The following HDHD2 variants were observed in gnomAD, a reference collection of about 807,000 sequenced individuals.
HDHD2 encodes haloacid dehalogenase-like hydrolase domain-containing protein 2.
HDHD2 carries 26 observed loss-of-function variants against 24.8 expected under a neutral mutation model. That is an observed-to-expected ratio of 1.05 (90% CI 0.77 to 1.45). The LOEUF (loss-of-function observed/expected upper bound fraction) is 1.45. HDHD2 is among the 40% of genes most tolerant of loss of function. The pLI is 0.00. For synonymous variants in HDHD2, 128 were observed against 114.9 expected, an observed-to-expected ratio of 1.11 and a Z score of -0.73; for missense variants, 299 against 313.4, an observed-to-expected ratio of 0.95 and a Z score of 0.35.
At chr18:47,117,228 T>G (rs1201838640) in intron 4 of HDHD2, among the ~76,000 whole-genome samples, 4 of 152,240 alleles carry the variant, frequency 2.6e-5, no homozygotes. Context: ...ATTTTTATAC[T>G]TACTAGACAG....
In HDHD2 at chr18:47,108,554, C is replaced by A; in HGVS notation, c.*128G>T. ...AATACCTTTCTTTCTAATTAATGCA[C>A]AACAAAAGAGGGTTAAAAAGCGATC... On this transcript the variant is annotated 3_prime_UTR_variant, in exon 7 of 7. Coordinates refer to ENST00000300605, the MANE Select transcript of HDHD2 (RefSeq NM_032124.5). The A allele has an allele frequency of 1.9e-6, 1 of 519,200 alleles. No individual in the cohort carries two copies. The highest frequency in any genetic ancestry group is 3.5e-5 in the South Asian group (1 of 28,534). 32.2% of individuals were successfully genotyped at this position (519,200 alleles called of 1,614,324 possible). A position where few individuals can be genotyped will look rare whatever the true frequency, so the allele number is the denominator to read the frequency against.
chr18:47,141,366 A>G (rs1189758613), intron 1 of HDHD2, among the ~76,000 whole-genome samples: 5 of 152,242 alleles, frequency 3.3e-5, no homozygotes, highest in African/African-American at 4.8e-5. Context: ...ATGACCATCA[A>G]CAGAAGGCTA....
chr18:47,118,813 G>C (rs2063578734), intron 4 of HDHD2, among the ~76,000 whole-genome samples: 1 of 151,540 alleles, frequency 6.6e-6, no homozygotes, highest in Non-Finnish European at 1.5e-5. Flanking sequence ...TTACAGATGA[G>C]ATCATCTGAG....
At chr18:47,147,004 A>G (rs954709046) in intron 1 of HDHD2, among the ~76,000 whole-genome samples, 1 of 152,196 alleles carries the variant, frequency 6.6e-6, no homozygotes. Context: ...TATGTTTTGT[A>G]TACTCTTCTA....
intron 1 of HDHD2, among the ~76,000 whole-genome samples, chr18:47,138,728 C>A (rs1414451583): frequency 1.3e-5 from 2 of 152,178 alleles, no homozygotes; most frequent in Middle Eastern, 3.2e-3. Context: ...TTGAAGTAAA[C>A]AGAATCTCTC....
chr18:47,121,060 G>A (rs544008167), intron 4 of HDHD2, among the ~76,000 whole-genome samples: 4 of 151,804 alleles, frequency 2.6e-5, no homozygotes, highest in African/African-American at 9.7e-5. Context: ...TGGAAATATG[G>A]TGCCGATGAC....
intron 4 of HDHD2, among the ~76,000 whole-genome samples, chr18:47,119,209 A>G (rs992763629): frequency 4.6e-5 from 7 of 152,208 alleles, no homozygotes; most frequent in African/African-American, 1.7e-4. Context: ...AATGCCTCAA[A>G]ATAAGACAAC....
chr18:47,141,999 A>G (rs1165777373), intron 1 of HDHD2, among the ~76,000 whole-genome samples: 2 of 152,112 alleles, frequency 1.3e-5, no homozygotes, highest in African/African-American at 4.8e-5. Flanking sequence ...TTCCCCACAC[A>G]TGCTCTCTTG....
chr18:47,135,355 A>G (rs946214889), intron 2 of HDHD2, among the ~76,000 whole-genome samples: 36 of 143,150 alleles, frequency 2.5e-4, no homozygotes, highest in Non-Finnish European at 3.7e-4. Flanking sequence ...TCCGCCTCCC[A>G]GGTTCAAGTG....
intron 1 of HDHD2, among the ~76,000 whole-genome samples, chr18:47,143,154 T>C (rs1378973904): frequency 3.9e-5 from 6 of 152,182 alleles, no homozygotes; most frequent in Non-Finnish European, 8.8e-5. Flanking sequence ...TTTTTCTCTT[T>C]TAAAAGAAGA....
chr18:47,115,388 G>T (rs1221032948), intron 4 of HDHD2, 40 bp from the exon 5 acceptor site: 1 of 1,493,542 alleles, frequency 6.7e-7, no homozygotes. Context: ...TTGGCTAAAA[G>T]CAAGGCTTTT....
rs1269795984 is a variant in HDHD2, at chr18:47,146,094, T to C, written c.-11+4284A>G. Among the ~76,000 whole-genome samples the C allele has an allele frequency of 2.0e-5, 3 of 152,092 alleles. No homozygotes were observed. In the East Asian group the frequency reaches 5.8e-4, roughly 30 times the overall value. On this transcript the variant is annotated intron_variant, in intron 1 of 6. Transcript: ENST00000300605. The stretch of plus-strand genomic sequence containing the variant: ...AAATACCAAAATTAGCTGGGCATGG[T>C]GGCAGGCACCTGTAATCCCAGCTAC...
At chr18:47,117,605 G>C (rs1450774690) in intron 4 of HDHD2, among the ~76,000 whole-genome samples, 1 of 152,116 alleles carries the variant, frequency 6.6e-6, no homozygotes, top group African/African-American at 2.4e-5. Context: ...TGTTATAGCA[G>C]CACAAAATGT....
At chr18:47,118,069 C>T (rs1484198619) in intron 4 of HDHD2, among the ~76,000 whole-genome samples, 6 of 151,966 alleles carry the variant, frequency 3.9e-5, no homozygotes, top group African/African-American at 1.4e-4. Flanking sequence ...AAATTTCTGG[C>T]TATAAATTCC....
intron 5 of HDHD2, among the ~76,000 whole-genome samples, chr18:47,114,260 T>G (rs575013614): frequency 1.4e-4 from 21 of 152,278 alleles, no homozygotes; most frequent in African/African-American, 4.8e-4. Flanking sequence ...TGATACACAT[T>G]TCCACCATCA....
chr18:47,130,845 T>C (rs1453342257), intron 3 of HDHD2, among the ~76,000 whole-genome samples: 7 of 152,244 alleles, frequency 4.6e-5, no homozygotes, highest in Admixed American at 4.6e-4. Context: ...GTTTTCTGCA[T>C]AATGCCTTAT....
At chr18:47,149,445 TAA>T (rs2063907236) in intron 1 of HDHD2, among the ~76,000 whole-genome samples, 1 of 152,096 alleles carries the variant, frequency 6.6e-6, no homozygotes, top group Non-Finnish European at 1.5e-5. Context: ...ACTCCCCAGT[TAA>T]AACTCTTCCA....
intron 4 of HDHD2, among the ~76,000 whole-genome samples, chr18:47,129,754 G>C (rs1800433074): frequency 6.6e-6 from 1 of 152,184 alleles, no homozygotes; most frequent in Admixed American, 6.5e-5. Context: ...ATAGTCAGTA[G>C]AGAATCATAG....
At chr18:47,148,084 C>T (rs531384139) in intron 1 of HDHD2, among the ~76,000 whole-genome samples, 11 of 151,820 alleles carry the variant, frequency 7.2e-5, no homozygotes, top group African/African-American at 2.2e-4. Flanking sequence ...TCTGCCTCCC[C>T]GGCTCAAGCC....
Sources: allele counts gnomAD v4.1 joint callset (sites outside exome capture counted in the v4.1 genomes callset), GRCh38; gene constraint gnomAD v4.1.1; transcripts MANE v1.5; gene names NCBI Gene and HGNC (gene_info 2026-07-23, HGNC 2026-07-21).